Variants in KMT2A observed in about 807,000 individuals in gnomAD.
KMT2A encodes lysine methyltransferase 2A.
Under a neutral mutation model 345.3 loss-of-function variants are expected in KMT2A, and 16 were observed. The observed-to-expected ratio is 0.05, with a 90% CI of 0.03 to 0.07. KMT2A has a LOEUF of 0.07. Ranked by LOEUF, KMT2A falls within the 10% of genes least tolerant of loss-of-function variation. KMT2A has a pLI of 1.00. For missense variants in KMT2A, 3,272 were observed against 4,841.6 expected (o/e 0.68, Z 9.62); for synonymous variants, 1,599 against 1,778.6 (o/e 0.90, Z 2.54).
chr11:118,490,137 C>T lies in KMT2A; in HGVS notation c.4584C>T (p.Thr1528=). ...PTKKKKVWIC[T]KCVRCKSCGS... ...CTTTTCTTCTTTTCTAGATCTGTAC[C>T]AAGTGTGTTCGCTGTAAGAGCTGTG... The change falls in exon 13 of 36, where the codon ACC becomes ACT. Residue 1528 remains threonine, a synonymous_variant. Transcript: ENST00000534358. This position sits in a 1 kb window ranked among gnomAD's most constrained non-coding sequence, Gnocchi z 4.2. 1.2e-6 allele frequency: 2 copies of T among 1,610,422 alleles called. No homozygotes were observed. The highest frequency in any genetic ancestry group is 1.7e-6 in the Non-Finnish European group (2 of 1,179,076).
intron 1 of KMT2A, among the ~76,000 whole-genome samples, chr11:118,467,414 C>T (rs958947061): frequency 6.6e-6 from 1 of 151,838 alleles, no homozygotes; most frequent in South Asian, 2.1e-4. Context: ...TTTCAGATGT[C>T]TTTGAAGAGG....
In KMT2A at chr11:118,498,640, ACCCACATATGCACAG is replaced by A; in HGVS notation, c.5961+115_5961+129del. ...CAGAGATTTCCCATATGCCCCCTGC[ACCCACATATGCACAG>A]CCTCCCCCATGATCAGCATCCCCCA... On this transcript the variant is annotated intron_variant, in intron 22 of 35. Coordinates refer to ENST00000534358, the MANE Select transcript of KMT2A (RefSeq NM_001197104.2). This position sits in a 1 kb window ranked among gnomAD's most constrained non-coding sequence, Gnocchi z 4.4. 9.6e-7 allele frequency: 1 copy of A among 1,041,196 alleles called. No individual in the cohort carries two copies. Among genetic ancestry groups the A allele is most frequent in the Non-Finnish European group, 1.4e-6 (1 of 728,578 alleles). The allele number at this position is 1,041,196 out of a possible 1,614,324, so 64.5% of individuals were successfully genotyped here. A position where few individuals can be genotyped will look rare whatever the true frequency, so the allele number is the denominator to read the frequency against.
intron 11 of KMT2A, 59 bp from the exon 12 acceptor site, chr11:118,489,733 A>G (rs1426102067): frequency 1.4e-6 from 2 of 1,381,792 alleles, no homozygotes; most frequent in Non-Finnish European, 2.1e-6. Context: ...GTACTAAGTA[A>G]TAGGTGTTGG....
Position 118,491,338 on chromosome 11 carries a change from A to G in KMT2A, c.4819+20A>G, listed in dbSNP as rs189128796. ...CAGAAGGTTGGAGTCTTTTTATTTCAGTTTTCTTCTTTCTAGGTACTACTA... is the reference window on the plus strand; with the variant it reads ...CAGAAGGTTGGAGTCTTTTTATTTCGGTTTTCTTCTTTCTAGGTACTACTA... On this transcript the variant is annotated intron_variant, in intron 14 of 35. Coordinates refer to ENST00000534358, the MANE Select transcript of KMT2A (RefSeq NM_001197104.2). This position sits in a 1 kb window ranked among gnomAD's most constrained non-coding sequence, Gnocchi z 4.2. 4.5e-4 allele frequency: 728 copies of G among 1,609,716 alleles called. 3 individuals carry two copies. The African/African-American group carries it at 8.9e-3, about 20-fold the overall frequency.
At chr11:118,455,680 A>T (rs191559762) in intron 1 of KMT2A, among the ~76,000 whole-genome samples, 17 of 146,940 alleles carry the variant, frequency 1.2e-4, no homozygotes, top group East Asian at 5.9e-4. Flanking sequence ...ATTTTTTTTT[A>T]TTTTTATTTT....
rs9332800 is a variant in KMT2A, at chr11:118,484,697, G to A, written c.4219-165G>A. Among the ~76,000 whole-genome samples, 15 of 152,308 alleles carry A rather than the reference G, an allele frequency of 9.8e-5. No homozygotes were observed. In the South Asian group the frequency reaches 1.0e-3, roughly 11 times the overall value. ...AACTAGGTGAGCCTTTTAATAGTCC[G>A]TGTCTGAGATTAAAACTTTTTAAAG... On this transcript the variant is annotated intron_variant, in intron 9 of 35. Transcript: ENST00000534358. The surrounding 1 kb of genome is among the most constrained non-coding windows in gnomAD (Gnocchi z 4.1).
At position 118,503,314 on chromosome 11, in the gene KMT2A, T is replaced by C. The variant is rs1565303256; in HGVS notation, c.7422T>C (p.Pro2474=). The C allele has an allele frequency of 2.5e-6, 4 of 1,614,148 alleles. No individual in the cohort carries two copies. The highest frequency in any genetic ancestry group is 1.6e-4 in the Middle Eastern group (1 of 6,062). The change falls in exon 27 of 36, where the codon CCT becomes CCC. Residue 2474 remains proline, a synonymous_variant. Coordinates refer to ENST00000534358, the MANE Select transcript of KMT2A (RefSeq NM_001197104.2). The surrounding 1 kb of genome is among the most constrained non-coding windows in gnomAD (Gnocchi z 5.3). ...AGTTTATGGATGAGGTTTTGACTCC[T>C]GAGTATATGGGCCAACGACCATGTA... ...KPEFMDEVLT[P]EYMGQRPCNN... is the part of the protein sequence containing the mutation.
At position 118,437,817 on chromosome 11, in the gene KMT2A, A is replaced by G. The variant is rs576770217; in HGVS notation, c.432+873A>G. The stretch of plus-strand genomic sequence containing the variant: ...AGGGGAAAATAGTCCACTGTCCCCT[A>G]GGCTTAGAGAAGAGCAGCTTTCCAC... On this transcript the variant is annotated intron_variant, in intron 1 of 35. Coordinates refer to ENST00000534358, the MANE Select transcript of KMT2A (RefSeq NM_001197104.2). 3.3e-5 allele frequency among the ~76,000 whole-genome samples: 5 copies of G among 152,158 alleles called. No individual in the cohort carries two copies. The East Asian group carries it at 9.7e-4, about 29-fold the overall frequency.
intron 1 of KMT2A, among the ~76,000 whole-genome samples, chr11:118,438,541 G>A: frequency 6.6e-6 from 1 of 152,048 alleles, no homozygotes; most frequent in Non-Finnish European, 1.5e-5. Context: ...GCTCTTGATT[G>A]AAACAGAAAG....
rs1949975454 is a variant in KMT2A, at chr11:118,473,297, A to C, written c.2138A>C (p.Glu713Ala). The change falls in exon 3 of 36, where the codon GAG (glutamate) becomes GCG (alanine). Residue 713 changes from glutamate to alanine, a missense_variant. By Grantham distance (107) the Glu-to-Ala change is moderately radical. Around this residue, in one of 27 missense-constraint regions of KMT2A, gnomAD observed 114 missense variants for 203.2 expected, o/e 0.56. Coordinates refer to ENST00000534358, the MANE Select transcript of KMT2A (RefSeq NM_001197104.2). This position sits in a 1 kb window ranked among gnomAD's most constrained non-coding sequence, Gnocchi z 5.2. ...AGTGAGGCTCACTCTAGAATATTTG[A>C]GTCTGTAACCTTGCCTAGTAATCGA... ...TPSEAHSRIF[E>A]SVTLPSNRTS... is the part of the protein sequence containing the mutation. 6.2e-7 allele frequency: 1 copy of C among 1,613,592 alleles called. No individual in the cohort carries two copies. The highest frequency in any genetic ancestry group is 8.5e-7 in the Non-Finnish European group (1 of 1,179,850).
At chr11:118,477,210 C>T (rs1555037758) in intron 4 of KMT2A, among the ~76,000 whole-genome samples, 1 of 152,094 alleles carries the variant, frequency 6.6e-6, no homozygotes, top group Non-Finnish European at 1.5e-5. Flanking sequence ...CCCATCTCAC[C>T]CCCATGAAGG....
At position 118,482,463 on chromosome 11, in the gene KMT2A, A is replaced by G. The variant is rs1376886285; in HGVS notation, c.4054A>G (p.Ser1352Gly). ...ACAGAAAAAAGTGGCTCCCCGCCCA[A>G]GTATCCCTGTAAAACAAAAACCAAA... ...SKQKKVAPRP[S>G]IPVKQKPKEK... Residue 1352 changes from serine to glycine, a missense_variant, in exon 8 of 36, where the codon AGT becomes GGT. Ser to Gly is a moderately conservative substitution (Grantham distance 56). Coordinates refer to ENST00000534358, the MANE Select transcript of KMT2A (RefSeq NM_001197104.2). 25 of 1,613,626 alleles carry G rather than the reference A, an allele frequency of 1.5e-5. No homozygotes were observed. Among genetic ancestry groups the G allele is most frequent in the Non-Finnish European group, 1.9e-5 (23 of 1,179,758 alleles).
At chr11:118,492,736 G>A (rs532091956) in intron 15 of KMT2A, among the ~76,000 whole-genome samples, 1 of 152,258 alleles carries the variant, frequency 6.6e-6, no homozygotes, top group African/African-American at 2.4e-5. Flanking sequence ...CTAAGCTGCT[G>A]TTTTATCTTT....
In KMT2A at chr11:118,495,755, C is replaced by G. The variant is rs1565296895; in HGVS notation, c.5419C>G (p.Gln1807Glu). ...ACCTTCACTTGACCATAATTATGCT[C>G]AGTGGCAGGAGCGAGAGGAAAACAG... ...LPPSLDHNYA[Q>E]WQEREENSHT... The change falls in exon 19 of 36, where the codon CAG becomes GAG. Residue 1807 changes from glutamine to glutamate, a missense_variant. Transcript: ENST00000534358. The surrounding 1 kb of genome is among the most constrained non-coding windows in gnomAD (Gnocchi z 4.1). 1 of 1,613,972 alleles carries G rather than the reference C, an allele frequency of 6.2e-7. No individual in the cohort carries two copies. The highest frequency in any genetic ancestry group is 8.5e-7 in the Non-Finnish European group (1 of 1,179,966).
chr11:118,454,100 A>G (rs781785518), intron 1 of KMT2A, among the ~76,000 whole-genome samples: 9 of 152,166 alleles, frequency 5.9e-5, no homozygotes, highest in Non-Finnish European at 1.0e-4. Flanking sequence ...AGACTCTCCC[A>G]TTATAGTCTC....
rs1555042379 is a variant in KMT2A, at chr11:118,491,209, T to C, written c.4710T>C (p.Pro1570=). 6.2e-7 allele frequency: 1 copy of C among 1,613,376 alleles called. No homozygotes were observed. The highest frequency in any genetic ancestry group is 1.7e-5 in the Admixed American group (1 of 59,886). The change falls in exon 14 of 36, where the codon CCT becomes CCC. Residue 1570 remains proline (P), a synonymous_variant. Transcript: ENST00000534358. This position sits in a 1 kb window ranked among gnomAD's most constrained non-coding sequence, Gnocchi z 4.2. ...CTTTGCTTTCAGGAAACTTCTGCCC[T>C]CTCTGTGACAAATGTTATGATGATG... is the stretch of plus-strand genomic sequence containing the variant. ...AKLFAKGNFC[P]LCDKCYDDDD...
At chr11:118,483,232 CAAAA>C (rs35780241) in intron 8 of KMT2A, among the ~76,000 whole-genome samples, 2 of 115,852 alleles carry the variant, frequency 1.7e-5, no homozygotes, top group Non-Finnish European at 1.8e-5. Context: ...GACTCCATCC[CAAAA>C]AAAAAAAAAA....
At position 118,487,916 on chromosome 11, in the gene KMT2A, C is replaced by T. The variant is rs369656714; in HGVS notation, c.4333-698C>T. On this transcript the variant is annotated intron_variant, in intron 10 of 35. Transcript: ENST00000534358. Reference sequence around the variant, plus strand: ...GAAATGGAGGCTGGGCGTGGTGGCTCACGCCTATAATCCCAGCACTTTGGG... The same window carrying T: ...GAAATGGAGGCTGGGCGTGGTGGCTTACGCCTATAATCCCAGCACTTTGGG... 1.6e-3 allele frequency among the ~76,000 whole-genome samples: 248 copies of T among 152,320 alleles called. 1 individual carries two copies. The highest frequency in any genetic ancestry group is 5.4e-3 in the African/African-American group (225 of 41,566).
At position 118,474,144 on chromosome 11, in the gene KMT2A, A is replaced by C. The variant is rs782715103; in HGVS notation, c.2985A>C (p.Ser995=). 3.7e-5 allele frequency: 60 copies of C among 1,614,068 alleles called. No individual in the cohort carries two copies. Among genetic ancestry groups the C allele is most frequent in the Non-Finnish European group, 5.0e-5 (59 of 1,180,018 alleles). Residue 995 remains serine (S), a synonymous_variant, in exon 3 of 36, where the codon TCA becomes TCC. Transcript: ENST00000534358. ...KEKTLCLSTP[S]SSTVKHSTSS... ...AAACCCTCTGCCTTTCCACTCCTTC[A>C]TCTAGCACTGTTAAACATTCCACTT... is the stretch of plus-strand genomic sequence containing the variant.
Sources: allele counts gnomAD v4.1 joint callset (sites outside exome capture counted in the v4.1 genomes callset), GRCh38; gene constraint gnomAD v4.1.1; regional missense constraint gnomAD v4.1.1; non-coding constraint Gnocchi (gnomAD v3.1); transcripts MANE v1.5; gene names NCBI Gene and HGNC (gene_info 2026-07-23, HGNC 2026-07-21).